PDE8B: variants seen among roughly 807,000 people sequenced by gnomAD.
PDE8B encodes phosphodiesterase 8B.
PDE8B carries 26 observed loss-of-function variants against 101.3 expected under a neutral mutation model. That is an observed-to-expected ratio of 0.26 (90% CI 0.19 to 0.36). The LOEUF is 0.36. Ranked by LOEUF, PDE8B falls within the 10% of genes least tolerant of loss-of-function variation. The pLI, the probability that PDE8B is intolerant of heterozygous loss-of-function variation, is 1.00. For missense variants in PDE8B, 810 were observed against 1,163.1 expected, an observed-to-expected ratio of 0.70 and a Z score of 4.42; for synonymous variants, 424 against 429.3, an observed-to-expected ratio of 0.99 and a Z score of 0.15.
chr5:77,278,265 G>A (rs1349342377), intron 1 of PDE8B, among the ~76,000 whole-genome samples: 2 of 152,160 alleles, frequency 1.3e-5, no homozygotes, highest in African/African-American at 4.8e-5. Flanking sequence ...GTAGGAACCT[G>A]ACTTCTGGCT....
At chr5:77,275,750 C>T (rs562433798) in intron 1 of PDE8B, among the ~76,000 whole-genome samples, 1 of 152,240 alleles carries the variant, frequency 6.6e-6, no homozygotes, top group Non-Finnish European at 1.5e-5. Context: ...TCTTTGTGTC[C>T]CACGTGCAAA....
the PDE8B span, among the ~76,000 whole-genome samples, chr5:77,142,665 T>C: frequency 1.6e-3 from 249 of 152,212 alleles, no homozygotes; most frequent in African/African-American, 5.9e-3. Flanking sequence ...AAGGAGGGAA[T>C]CTGTGGAAAG....
At chr5:77,374,802 C>G (rs141362777) in intron 10 of PDE8B, among the ~76,000 whole-genome samples, 1 of 152,206 alleles carries the variant, frequency 6.6e-6, no homozygotes, top group Non-Finnish European at 1.5e-5. Context: ...CACTGAAGAT[C>G]GGTGAGAAGG....
chr5:77,331,491 T>C (rs760148153), intron 5 of PDE8B, 32 bp downstream of exon 5: 7 of 1,548,642 alleles, frequency 4.5e-6, no homozygotes, highest in African/African-American at 2.7e-5. Flanking sequence ...TCTCTCTCAG[T>C]TGCAGGCACC....
intron 10 of PDE8B, among the ~76,000 whole-genome samples, chr5:77,388,049 A>G (rs1197787246): frequency 1.3e-5 from 2 of 152,158 alleles, no homozygotes; most frequent in Non-Finnish European, 2.9e-5. Context: ...GGAGTTTGTT[A>G]TTACCCACCT....
the PDE8B span, among the ~76,000 whole-genome samples, chr5:77,137,316 G>A: frequency 7.8e-4 from 119 of 152,266 alleles, no homozygotes; most frequent in African/African-American, 2.8e-3. Context: ...GACCCACAGG[G>A]GTGAACAAAT....
chr5:77,391,415 A>T lies in PDE8B; in HGVS notation c.1168-8833A>T, dbSNP rs145581027. The stretch of plus-strand genomic sequence containing the variant: ...AAGAGTCTCTGCTTGTAGAGCAAGG[A>T]GTTATCTCCATGCTGGGTTGCTAGC... On this transcript the variant is annotated intron_variant, in intron 10 of 21. Transcript: ENST00000264917. Among the ~76,000 whole-genome samples, 782 of 152,196 alleles carry T rather than the reference A, an allele frequency of 5.1e-3. 6 individuals carry two copies. Among genetic ancestry groups the T allele is most frequent in the African/African-American group, 0.018 (757 of 41,516 alleles).
chr5:77,346,815 G>A (rs1314520647), intron 7 of PDE8B, among the ~76,000 whole-genome samples: 1 of 152,184 alleles, frequency 6.6e-6, no homozygotes, highest in African/African-American at 2.4e-5. Context: ...CAAGAGGAAG[G>A]AGGAAGGAGC....
At chr5:77,419,310 A>G (rs570167247) in intron 18 of PDE8B, among the ~76,000 whole-genome samples, 2 of 152,328 alleles carry the variant, frequency 1.3e-5, no homozygotes, top group East Asian at 3.9e-4. Context: ...CTAGAGAATT[A>G]CTTATTAACA....
the PDE8B span, among the ~76,000 whole-genome samples, chr5:77,132,103 A>G: frequency 3.9e-5 from 6 of 152,364 alleles, no homozygotes; most frequent in East Asian, 9.6e-4. Flanking sequence ...TGCTCTCACC[A>G]AAGTAGTATA....
the PDE8B span, among the ~76,000 whole-genome samples, chr5:77,163,700 C>G: frequency 3.3e-5 from 5 of 152,216 alleles, no homozygotes; most frequent in Non-Finnish European, 7.3e-5. Flanking sequence ...CTCCTTCCCC[C>G]TTTTCATAGT....
chr5:77,135,235 G>A, the PDE8B span, among the ~76,000 whole-genome samples: 79 of 152,238 alleles, frequency 5.2e-4, 1 homozygote, highest in African/African-American at 1.9e-3. Flanking sequence ...TCTTTCCCAG[G>A]TAGCAGACCT....
At chr5:77,421,732 G>A (rs988940678) in intron 19 of PDE8B, 89 bp from the exon 20 acceptor site, 24 of 1,260,498 alleles carry the variant, frequency 1.9e-5, no homozygotes, top group East Asian at 4.7e-5. Flanking sequence ...CTGTGTGCTC[G>A]GTGATCACCA....
rs761724379 is a variant in PDE8B at position 77,293,312 on chromosome 5, A to G, written c.340-18682A>G. ...GAGCAAAATACTTGTAACTCTTCACAGTTTTATTAGCCAGTGGCTGGAATT... is the reference window on the plus strand; with the variant it reads ...GAGCAAAATACTTGTAACTCTTCACGGTTTTATTAGCCAGTGGCTGGAATT... On this transcript the variant is annotated intron_variant, in intron 1 of 21. Transcript: ENST00000264917. Among the ~76,000 whole-genome samples the G allele has an allele frequency of 2.4e-4, 36 of 152,228 alleles. 1 individual carries two copies. The highest frequency in any genetic ancestry group is 1.3e-4 in the Admixed American group (2 of 15,286).
intron 1 of PDE8B, among the ~76,000 whole-genome samples, chr5:77,275,190 C>CT (rs529724375): frequency 1.3e-5 from 2 of 152,116 alleles, no homozygotes; most frequent in Admixed American, 6.6e-5. Context: ...GAGACCCCAT[C>CT]TTTTTTTAAA....
intron 1 of PDE8B, among the ~76,000 whole-genome samples, chr5:77,220,198 G>C (rs1025683291): frequency 6.6e-6 from 1 of 152,180 alleles, no homozygotes; most frequent in African/African-American, 2.4e-5. Context: ...CCCAGGGTGA[G>C]GTCTCTGACA....
At chr5:77,260,519 A>C (rs1212476493) in intron 1 of PDE8B, among the ~76,000 whole-genome samples, 5 of 152,112 alleles carry the variant, frequency 3.3e-5, no homozygotes, top group African/African-American at 1.2e-4. Context: ...CATAGACTTG[A>C]ATTTCACAAT....
chr5:77,151,134 T>A, the PDE8B span: 1 of 152,286 alleles, frequency 6.6e-6, no homozygotes, highest in Non-Finnish European at 1.5e-5. Context: ...TGGGGCCATG[T>A]AACAGGGTTC....
intron 1 of PDE8B, among the ~76,000 whole-genome samples, chr5:77,250,040 G>A (rs1216122908): frequency 6.6e-6 from 1 of 152,138 alleles, no homozygotes; most frequent in African/African-American, 2.4e-5. Flanking sequence ...ATTTTAAAGA[G>A]AAAAACAACG....
Sources: allele counts gnomAD v4.1 joint callset (sites outside exome capture counted in the v4.1 genomes callset), GRCh38; gene constraint gnomAD v4.1.1; transcripts MANE v1.5; gene names NCBI Gene and HGNC (gene_info 2026-07-23, HGNC 2026-07-21).